ADGRG6: variants seen among roughly 807,000 people sequenced by gnomAD.
ADGRG6 encodes the protein G-protein coupled receptor 126.
In ADGRG6, 84 loss-of-function variants were observed where a neutral mutation model predicts 142.4. The observed-to-expected ratio is 0.59, with a 90% CI of 0.49 to 0.71. The LOEUF is 0.71. ADGRG6 is among the 30% of genes least tolerant of loss of function. The pLI is 0.00. For synonymous variants in ADGRG6, 521 were observed against 520.5 expected (o/e 1.00, Z -0.01); for missense variants, 1,367 against 1,466.6 (o/e 0.93, Z 1.11).
intron 1 of ADGRG6, among the ~76,000 whole-genome samples, chr6:142,307,473 C>CTA (rs146614389): frequency 0.14 from 21,799 of 151,984 alleles, 2,013 homozygotes; most frequent in South Asian, 0.33. Context: ...GGAAACAGGC[C>CTA]TATTCTTCCA....
At chr6:142,382,517 CTG>C (rs1393797577) in intron 5 of ADGRG6, among the ~76,000 whole-genome samples, 1 of 152,146 alleles carries the variant, frequency 6.6e-6, no homozygotes, top group African/African-American at 2.4e-5. Context: ...GTTAATGTAA[CTG>C]TGTTAATTAT....
chr6:142,311,572 T>C (rs1234294854), intron 2 of ADGRG6, among the ~76,000 whole-genome samples: 1 of 151,942 alleles, frequency 6.6e-6, no homozygotes, highest in Non-Finnish European at 1.5e-5. Context: ...ATTTAAAATC[T>C]TTTTTTGCAT....
intron 4 of ADGRG6, among the ~76,000 whole-genome samples, chr6:142,373,406 C>T (rs2114884902): frequency 6.6e-6 from 1 of 152,202 alleles, no homozygotes; most frequent in Middle Eastern, 3.5e-3. Flanking sequence ...ATATTTGTTT[C>T]CCACAATACT....
At chr6:142,425,195 G>A (rs1776880032) in intron 22 of ADGRG6, among the ~76,000 whole-genome samples, 1 of 152,274 alleles carries the variant, frequency 6.6e-6, no homozygotes, top group African/African-American at 2.4e-5. Flanking sequence ...ATGATTGGAT[G>A]TGCACTTTGT....
intron 2 of ADGRG6, among the ~76,000 whole-genome samples, chr6:142,313,134 G>C (rs1415786474): frequency 6.6e-6 from 1 of 151,422 alleles, no homozygotes; most frequent in African/African-American, 2.4e-5. Flanking sequence ...CAACGATCAG[G>C]TATTACTTTA....
intron 6 of ADGRG6, among the ~76,000 whole-genome samples, chr6:142,384,067 G>A (rs1472657125): frequency 6.6e-6 from 1 of 151,910 alleles, no homozygotes; most frequent in Non-Finnish European, 1.5e-5. Context: ...CCTCTTTTGC[G>A]CTTTTAGCCA....
At chr6:142,386,242 T>C (rs1267125514) in intron 6 of ADGRG6, among the ~76,000 whole-genome samples, 1 of 152,222 alleles carries the variant, frequency 6.6e-6, no homozygotes, top group Non-Finnish European at 1.5e-5. Context: ...ATGTCATTGA[T>C]AGGTTCTTGG....
intron 24 of ADGRG6, among the ~76,000 whole-genome samples, chr6:142,441,831 A>AGG (rs1249665408): frequency 7.9e-5 from 12 of 152,174 alleles, no homozygotes; most frequent in Non-Finnish European, 1.8e-4. Context: ...CCTAATGGGG[A>AGG]GGGGCCTTTT....
chr6:142,327,343 T>C (rs1778825684), intron 2 of ADGRG6, among the ~76,000 whole-genome samples: 1 of 151,770 alleles, frequency 6.6e-6, no homozygotes, highest in African/African-American at 2.4e-5. Flanking sequence ...AACTGGAAAA[T>C]CTTCTCATTC....
intron 22 of ADGRG6, among the ~76,000 whole-genome samples, chr6:142,423,890 CT>C (rs1776798904): frequency 7.7e-6 from 1 of 129,950 alleles, no homozygotes; most frequent in Non-Finnish European, 1.6e-5. Context: ...CTTCACATCC[CT>C]TGTAAGTTGG....
rs118084467 is a variant in ADGRG6 at position 142,417,266 on chromosome 6, G to C, written c.2939-7G>C. 6.0e-5 allele frequency: 90 copies of C among 1,511,502 alleles called. No individual in the cohort carries two copies. Among genetic ancestry groups the C allele is most frequent in the Admixed American group, 1.4e-4 (8 of 59,118 alleles). The allele number at this position is 1,511,502 out of a possible 1,614,324, so 93.6% of individuals were successfully genotyped here. ...AAAGAGTTTGTGTCATGGTGTTTTT[G>C]TAACAGGTTTGCCTGCCTTAGTGGT... On this transcript the variant is annotated splice_polypyrimidine_tract_variant and splice_region_variant and intron_variant, in intron 20 of 24. Coordinates refer to ENST00000367609, the MANE Select transcript of ADGRG6 (RefSeq NM_198569.3).
intron 2 of ADGRG6, among the ~76,000 whole-genome samples, chr6:142,324,815 G>A: frequency 6.6e-6 from 1 of 151,910 alleles, no homozygotes; most frequent in Non-Finnish European, 1.5e-5. Context: ...CTTATTGTTA[G>A]TGCCTACAGG....
intron 18 of ADGRG6, 32 bp downstream of exon 18, chr6:142,411,443 A>G: frequency 1.9e-6 from 2 of 1,080,962 alleles, no homozygotes; most frequent in Non-Finnish European, 2.9e-6. Context: ...TCATTTTGAC[A>G]TGCTGTAACT....
chr6:142,396,347 C>T (rs1021933324), intron 9 of ADGRG6, among the ~76,000 whole-genome samples: 9 of 151,930 alleles, frequency 5.9e-5, no homozygotes, highest in African/African-American at 1.7e-4. Context: ...GGCTTGTATG[C>T]GAATGGTAAG....
chr6:142,336,856 G>A (rs1412077505), intron 2 of ADGRG6, among the ~76,000 whole-genome samples: 1 of 152,186 alleles, frequency 6.6e-6, no homozygotes, highest in African/African-American at 2.4e-5. Flanking sequence ...AAATGGCCCT[G>A]GGGCAATCTG....
chr6:142,320,177 T>G (rs1288990283), intron 2 of ADGRG6, among the ~76,000 whole-genome samples: 2 of 152,102 alleles, frequency 1.3e-5, no homozygotes, highest in East Asian at 3.9e-4. Flanking sequence ...TTAGAAGCAT[T>G]AGTAGTACTT....
chr6:142,424,962 A>G (rs930807064), intron 22 of ADGRG6, among the ~76,000 whole-genome samples: 2 of 152,166 alleles, frequency 1.3e-5, no homozygotes, highest in Non-Finnish European at 2.9e-5. Flanking sequence ...AGGAAGAATA[A>G]TATTTGAGAT....
intron 2 of ADGRG6, among the ~76,000 whole-genome samples, chr6:142,354,264 G>A (rs1018830438): frequency 7.2e-5 from 11 of 151,966 alleles, no homozygotes; most frequent in Admixed American, 1.3e-4. Flanking sequence ...CTGTAATCCC[G>A]GCTACTCAGG....
intron 12 of ADGRG6, 23 bp downstream of exon 12, chr6:142,402,081 T>C: frequency 3.3e-6 from 4 of 1,226,642 alleles, no homozygotes; most frequent in Non-Finnish European, 4.7e-6. Flanking sequence ...TTTTCCTTTA[T>C]TTCTCAAGGA....
Sources: gnomAD v4.1 joint callset for allele counts (sites outside exome capture counted in the v4.1 genomes callset) on GRCh38, gnomAD v4.1.1 for gene constraint, MANE v1.5 for transcripts, NCBI Gene and HGNC (gene_info 2026-07-23, HGNC 2026-07-21) for gene names.